Variants in DYSF observed in about 807,000 individuals in gnomAD.
DYSF encodes the protein dysferlin.
DYSF carries 212 observed loss-of-function variants against 274.9 expected under a neutral mutation model. That is an observed-to-expected ratio of 0.77 (90% CI 0.69 to 0.86). DYSF has a LOEUF of 0.86. Among genes scored for constraint, DYSF ranks in the 40% least tolerant of loss-of-function variants. DYSF has a pLI of 0.00. For synonymous variants in DYSF, 1,091 were observed against 1,078.7 expected, an observed-to-expected ratio of 1.01 and a Z score of -0.22; for missense variants, 2,666 against 2,783.2, an observed-to-expected ratio of 0.96 and a Z score of 0.95.
chr2:71,538,578 T>A (rs2089618583), intron 16 of DYSF, among the ~76,000 whole-genome samples: 1 of 152,188 alleles, frequency 6.6e-6, no homozygotes, highest in South Asian at 2.1e-4. Flanking sequence ...ATAATAAAAG[T>A]GCTTGTTTCT....
At chr2:71,559,726 G>C (rs940709913) in intron 22 of DYSF, among the ~76,000 whole-genome samples, 9 of 152,202 alleles carry the variant, frequency 5.9e-5, no homozygotes, top group Admixed American at 2.6e-4. Flanking sequence ...GCCAGGTGCA[G>C]CTCAGGGCCA....
intron 1 of DYSF, among the ~76,000 whole-genome samples, chr2:71,477,007 G>A (rs1261973814): frequency 6.6e-6 from 1 of 152,100 alleles, no homozygotes; most frequent in Non-Finnish European, 1.5e-5. Context: ...TTTTCAAGCA[G>A]AAATTGGAGT....
At position 71,567,978 on chromosome 2, in the gene DYSF, C is replaced by T. The variant is rs200487610; in HGVS notation, c.2593C>T (p.Arg865Trp). Reference protein sequence around the residue: ...KYPMEKVPGARMPVQIRVKLW... With the variant: ...KYPMEKVPGAWMPVQIRVKLW... Reference sequence around the variant, plus strand: ...TCCGATGGAGAAGGTGCCTGGCGCCCGGATGCCAGTGCAGATACGGGTCAA... The same window carrying T: ...TCCGATGGAGAAGGTGCCTGGCGCCTGGATGCCAGTGCAGATACGGGTCAA... Residue 865 changes from arginine (R) to tryptophan (W), a missense_variant, in exon 25 of 56, where the codon CGG (arginine) becomes TGG (tryptophan). Physicochemically the swap from Arg to Trp is moderately radical, Grantham distance 101 (BLOSUM62 -3). Transcript: ENST00000410020. 166 of 1,614,108 alleles carry T rather than the reference C, an allele frequency of 1.0e-4. No individual in the cohort carries two copies. Among genetic ancestry groups the T allele is most frequent in the East Asian group, 3.6e-4 (16 of 44,878 alleles).
intron 17 of DYSF, among the ~76,000 whole-genome samples, chr2:71,544,832 T>C (rs946798585): frequency 1.3e-5 from 2 of 152,212 alleles, no homozygotes; most frequent in African/African-American, 4.8e-5. Context: ...GTACCTGACA[T>C]TGTTTTTCAT....
intron 19 of DYSF, 108 bp downstream of exon 19, chr2:71,551,828 C>A: frequency 1.1e-6 from 1 of 879,428 alleles, no homozygotes; most frequent in Non-Finnish European, 1.8e-6. Flanking sequence ...AAGCTCTGCC[C>A]ACACGCATCG....
At chr2:71,570,364 C>T in intron 28 of DYSF, 30 bp downstream of exon 28, 1 of 1,604,262 alleles carries the variant, frequency 6.2e-7, no homozygotes, top group Non-Finnish European at 8.5e-7. Flanking sequence ...TGGCGAGCCC[C>T]ATCCCCGGCA....
intron 14 of DYSF, among the ~76,000 whole-genome samples, chr2:71,529,445 T>C (rs779794719): frequency 6.6e-6 from 1 of 152,226 alleles, no homozygotes; most frequent in African/African-American, 2.4e-5. Context: ...ACTCCTCTCT[T>C]TCCTGTAAAC....
chr2:71,677,855 A>G (rs1275041234), intron 52 of DYSF, among the ~76,000 whole-genome samples: 1 of 152,222 alleles, frequency 6.6e-6, no homozygotes, highest in Non-Finnish European at 1.5e-5. Context: ...TGTACCCCAA[A>G]GAATTGAAAA....
intron 1 of DYSF, among the ~76,000 whole-genome samples, chr2:71,478,266 C>T (rs542669465): frequency 2.7e-5 from 4 of 149,162 alleles, no homozygotes; most frequent in Non-Finnish European, 5.9e-5. Flanking sequence ...GGCTGGAGTG[C>T]AGTGGTGCCA....
At chr2:71,505,279 G>A (rs555518659) in intron 4 of DYSF, among the ~76,000 whole-genome samples, 14 of 152,328 alleles carry the variant, frequency 9.2e-5, no homozygotes, top group African/African-American at 3.1e-4. Flanking sequence ...GATAACTGGG[G>A]GTGTGCTGGG....
rs551158224 is a variant in DYSF, at chr2:71,641,600, T to C, written c.4528-2365T>C. On this transcript the variant is annotated intron_variant, in intron 41 of 55. Transcript: ENST00000410020. ...CTAATTTCTTGAATTATCAGGTAAT[T>C]TATTTTCATTCCTTTTGTATAAAAG... 6.6e-5 allele frequency among the ~76,000 whole-genome samples: 10 copies of C among 152,308 alleles called. No individual in the cohort carries two copies. In the South Asian group the frequency reaches 2.1e-3, roughly 32 times the overall value.
intron 24 of DYSF, among the ~76,000 whole-genome samples, chr2:71,564,518 C>T (rs2091968821): frequency 6.6e-6 from 1 of 152,166 alleles, no homozygotes; most frequent in Admixed American, 6.5e-5. Context: ...CTGTGTTTGT[C>T]CTTCCAGGCA....
intron 40 of DYSF, among the ~76,000 whole-genome samples, chr2:71,620,257 T>A (rs577143861): frequency 2.0e-4 from 30 of 152,336 alleles, no homozygotes; most frequent in African/African-American, 7.0e-4. Flanking sequence ...CCTTGCCTTG[T>A]GCTGGGCGTG....
chr2:71,549,084 A>T (rs1371367566), intron 17 of DYSF, among the ~76,000 whole-genome samples: 3 of 152,220 alleles, frequency 2.0e-5, no homozygotes, highest in African/African-American at 7.2e-5. Context: ...TGGCAAACGG[A>T]ACACACAGAG....
chr2:71,477,232 A>G (rs2082463979), intron 1 of DYSF, among the ~76,000 whole-genome samples: 1 of 152,088 alleles, frequency 6.6e-6, no homozygotes, highest in African/African-American at 2.4e-5. Flanking sequence ...TTATGGGGCA[A>G]TGGAGAGGGG....
At chr2:71,642,309 T>C in intron 41 of DYSF, among the ~76,000 whole-genome samples, 1 of 152,206 alleles carries the variant, frequency 6.6e-6, no homozygotes, top group East Asian at 1.9e-4. Flanking sequence ...TGTGCAGTTG[T>C]GTGTTTCTGT....
chr2:71,598,542 T>C, intron 32 of DYSF, 22 bp from the exon 33 acceptor site: 1 of 1,613,564 alleles, frequency 6.2e-7, no homozygotes, highest in South Asian at 1.1e-5. Context: ...CTGTCTCCCC[T>C]CCCCCTCTCC....
Position 71,601,670 on chromosome 2 carries a change from G to A in DYSF, c.3927+142G>A, listed in dbSNP as rs866485932. ...GGGGAAGCTCTTTCAAGCAGAGGAG[G>A]GCCCGGGCTGGAGGGAGCTCAAAGT... On this transcript the variant is annotated intron_variant, in intron 35 of 55. Coordinates refer to ENST00000410020, the MANE Select transcript of DYSF (RefSeq NM_001130987.2). The A allele has an allele frequency of 6.2e-5, 69 of 1,120,196 alleles. No individual in the cohort carries two copies. In the African/African-American group the frequency reaches 7.7e-4, roughly 13 times the overall value. 69.4% of individuals were successfully genotyped at this position (1,120,196 alleles called of 1,614,324 possible).
At chr2:71,650,458 G>A (rs112646930) in intron 42 of DYSF, among the ~76,000 whole-genome samples, 194 of 152,242 alleles carry the variant, frequency 1.3e-3, no homozygotes, top group African/African-American at 4.3e-3. Flanking sequence ...TCCAGCCTGG[G>A]TGACAGAGCA....
Sources: gnomAD v4.1 joint callset for allele counts (sites outside exome capture counted in the v4.1 genomes callset) on GRCh38, gnomAD v4.1.1 for gene constraint, MANE v1.5 for transcripts, NCBI Gene and HGNC (gene_info 2026-07-23, HGNC 2026-07-21) for gene names.